The following PKHD1 variants were observed in gnomAD, a reference collection of about 807,000 sequenced individuals.
PKHD1 encodes the protein fibrocystin.
PKHD1 carries 291 observed loss-of-function variants against 412.0 expected under a neutral mutation model. That is an observed-to-expected ratio of 0.71 (90% confidence interval 0.64 to 0.78). The LOEUF (loss-of-function observed/expected upper bound fraction) is 0.78. Ranked by LOEUF, PKHD1 falls within the 30% of genes least tolerant of loss-of-function variation. PKHD1 has a pLI of 0.00. For missense variants in PKHD1, 4,825 were observed against 4,950.7 expected (o/e 0.97, Z 0.76); for synonymous variants, 1,777 against 1,821.5 (o/e 0.98, Z 0.62).
At chr6:51,832,266 A>G (rs574269508) in intron 51 of PKHD1, among the ~76,000 whole-genome samples, 1 of 152,210 alleles carries the variant, frequency 6.6e-6, no homozygotes, top group African/African-American at 2.4e-5. Flanking sequence ...GGGAAGTAGT[A>G]ACTCAGCTGC....
chr6:51,975,860 A>G (rs1304692513), intron 35 of PKHD1: 1 of 149,774 alleles, frequency 6.7e-6, no homozygotes, highest in East Asian at 2.0e-4. Context: ...TTGGAAAAAG[A>G]GCAGGTCACA....
In PKHD1 at chr6:51,831,783, C is replaced by T. The variant is rs1768297082; in HGVS notation, c.8174-794G>A. Among the ~76,000 whole-genome samples the T allele has an allele frequency of 3.9e-5, 6 of 152,254 alleles. 1 individual carries two copies. In the South Asian group the frequency reaches 1.0e-3, roughly 26 times the overall value. ...AGTTTCTATTGATTCTGCCTTTGAT[C>T]GTCAAACGGCATTTTCTTTTCAACC... is the stretch of plus-strand genomic sequence containing the variant. On this transcript the variant is annotated intron_variant, in intron 51 of 66. Coordinates refer to ENST00000371117, the MANE Select transcript of PKHD1 (RefSeq NM_138694.4).
chr6:51,697,821 C>A (rs887414340), intron 60 of PKHD1, among the ~76,000 whole-genome samples: 3 of 152,170 alleles, frequency 2.0e-5, no homozygotes, highest in Non-Finnish European at 4.4e-5. Flanking sequence ...GTAGGATGCC[C>A]AAATTTCAAT....
At chr6:51,626,011 C>T (rs753120505) in intron 66 of PKHD1, among the ~76,000 whole-genome samples, 10 of 152,042 alleles carry the variant, frequency 6.6e-5, no homozygotes, top group South Asian at 2.1e-4. Flanking sequence ...CTAACTAATA[C>T]GATGGGAAAA....
chr6:51,734,436 T>C (rs1359409661), intron 60 of PKHD1, among the ~76,000 whole-genome samples: 1 of 152,180 alleles, frequency 6.6e-6, no homozygotes, highest in Non-Finnish European at 1.5e-5. Flanking sequence ...TTATTCACAT[T>C]TGTTCCCTCA....
chr6:51,957,218 C>T (rs1012972615), intron 36 of PKHD1, among the ~76,000 whole-genome samples: 3 of 151,834 alleles, frequency 2.0e-5, no homozygotes, highest in Non-Finnish European at 4.4e-5. Context: ...AAATAGTGGC[C>T]GAAAATGTTG....
At chr6:52,027,547 A>G (rs574540486) in intron 31 of PKHD1, among the ~76,000 whole-genome samples, 79 of 149,172 alleles carry the variant, frequency 5.3e-4, no homozygotes, top group South Asian at 3.6e-3. Context: ...AAAAAAAAAA[A>G]AAGAAGAAGA....
chr6:52,040,788 A>ATGAC (rs1204460315), intron 27 of PKHD1, among the ~76,000 whole-genome samples: 1 of 152,134 alleles, frequency 6.6e-6, no homozygotes, highest in African/African-American at 2.4e-5. Flanking sequence ...TCCAATGCCA[A>ATGAC]TGACTATACC....
At chr6:51,792,060 G>A (rs1043768913) in intron 52 of PKHD1, among the ~76,000 whole-genome samples, 1 of 152,102 alleles carries the variant, frequency 6.6e-6, no homozygotes, top group Admixed American at 6.5e-5. Flanking sequence ...AGCTTCCCAT[G>A]CTTATAGTGC....
At chr6:51,885,818 T>A in intron 45 of PKHD1, 49 bp downstream of exon 45, 1 of 1,207,464 alleles carries the variant, frequency 8.3e-7, no homozygotes, top group Non-Finnish European at 1.2e-6. Flanking sequence ...CAAGTGACAG[T>A]TTTAATTTTA....
chr6:51,859,974 C>T (rs2151713893), intron 48 of PKHD1, among the ~76,000 whole-genome samples: 1 of 152,304 alleles, frequency 6.6e-6, no homozygotes, highest in East Asian at 1.9e-4. Context: ...ACACTGTGAT[C>T]CTAAATTACT....
At chr6:51,941,878 C>G (rs1002879354) in intron 36 of PKHD1, among the ~76,000 whole-genome samples, 2 of 151,548 alleles carry the variant, frequency 1.3e-5, no homozygotes, top group Non-Finnish European at 3.0e-5. Context: ...TGCCGCAAGC[C>G]TTCACAGACA....
chr6:52,054,086 A>T lies in PKHD1; in HGVS notation c.1916T>A (p.Val639Glu), dbSNP rs776732552. ...ACTCCAGTCACAGGTGGTATTCTTT[A>T]CCATGTTTTGAAAGCCGATTGTGAA... is the stretch of plus-strand genomic sequence containing the variant. ...VSFTIGFQNM[V>E]KNTTCDWSLT... The change falls in exon 20 of 67, where the codon GTA becomes GAA. Residue 639 changes from valine to glutamate, a missense_variant. By Grantham distance (121) the Val-to-Glu change is moderately radical. Coordinates refer to ENST00000371117, the MANE Select transcript of PKHD1 (RefSeq NM_138694.4). 12 of 1,613,814 alleles carry T rather than the reference A, an allele frequency of 7.4e-6. No individual in the cohort carries two copies. The Admixed American group carries it at 1.8e-4, about 25-fold the overall frequency.
intron 20 of PKHD1, 75 bp downstream of exon 20, chr6:52,053,963 T>G: frequency 1.4e-6 from 2 of 1,467,570 alleles, no homozygotes; most frequent in Non-Finnish European, 1.9e-6. Context: ...GTGCCTGAGG[T>G]GGGTAACTGT....
intron 35 of PKHD1, among the ~76,000 whole-genome samples, chr6:52,002,464 A>T (rs1283904261): frequency 6.6e-6 from 1 of 152,184 alleles, no homozygotes; most frequent in East Asian, 1.9e-4. Context: ...GGTAATTCTC[A>T]TACATTTGGA....
At chr6:51,850,093 G>C (rs1456961474) in intron 49 of PKHD1, among the ~76,000 whole-genome samples, 1 of 152,174 alleles carries the variant, frequency 6.6e-6, no homozygotes, top group African/African-American at 2.4e-5. Context: ...AAGAGGTTCA[G>C]TTTCAGTTTT....
chr6:51,799,278 A>C (rs539969431), intron 52 of PKHD1, among the ~76,000 whole-genome samples: 1 of 151,614 alleles, frequency 6.6e-6, no homozygotes, highest in Non-Finnish European at 1.5e-5. Context: ...TTGGTGCCAC[A>C]CTCTTCACTT....
At chr6:51,972,750 T>C (rs1347148838) in intron 35 of PKHD1, among the ~76,000 whole-genome samples, 1 of 152,198 alleles carries the variant, frequency 6.6e-6, no homozygotes, top group Admixed American at 6.5e-5. Context: ...CCGCCACACA[T>C]TGTCCCTTTT....
intron 35 of PKHD1, among the ~76,000 whole-genome samples, chr6:51,990,757 A>G (rs2128069488): frequency 6.6e-6 from 1 of 151,120 alleles, no homozygotes; most frequent in African/African-American, 2.4e-5. Flanking sequence ...CCCCCAAAAT[A>G]CCATTCACTA....
Sources: allele counts gnomAD v4.1 joint callset (sites outside exome capture counted in the v4.1 genomes callset), GRCh38; gene constraint gnomAD v4.1.1; transcripts MANE v1.5; gene names NCBI Gene and HGNC (gene_info 2026-07-23, HGNC 2026-07-21).